Variants in NFAT5 observed in about 807,000 individuals in gnomAD.
The protein encoded by NFAT5 is nuclear factor of activated T cells 5.
Under a neutral mutation model 166.5 loss-of-function variants are expected in NFAT5, and 31 were observed. The ratio of observed to expected loss-of-function variants is 0.19; its 90% confidence interval spans 0.14 to 0.25. The LOEUF (loss-of-function observed/expected upper bound fraction) is 0.25, where lower values mean the gene tolerates loss of function less well. NFAT5 is among the 10% of genes least tolerant of loss of function. The pLI, the probability that NFAT5 is intolerant of heterozygous loss-of-function variation, is 1.00. For missense variants in NFAT5, 1,449 were observed against 1,821.8 expected, an observed-to-expected ratio of 0.80 and a Z score of 3.72; for synonymous variants, 612 against 639.7, an observed-to-expected ratio of 0.96 and a Z score of 0.65.
At chr16:69,576,780 A>C (rs1199862665) in intron 2 of NFAT5, among the ~76,000 whole-genome samples, 1 of 152,160 alleles carries the variant, frequency 6.6e-6, no homozygotes, top group Non-Finnish European at 1.5e-5. Context: ...TGAGAGGATC[A>C]CATGAGCCCA....
chr16:69,568,064 G>C (rs747288852), intron 1 of NFAT5, among the ~76,000 whole-genome samples: 22 of 152,154 alleles, frequency 1.4e-4, no homozygotes, highest in Non-Finnish European at 3.1e-4. Flanking sequence ...TGTATTCCCA[G>C]TACTGTGGGA....
At chr16:69,609,159 G>A (rs2033580358) in intron 2 of NFAT5, among the ~76,000 whole-genome samples, 1 of 151,988 alleles carries the variant, frequency 6.6e-6, no homozygotes, top group Admixed American at 6.6e-5. Flanking sequence ...GCAGAAGAAG[G>A]TGGTTCAGGT....
At position 69,670,007 on chromosome 16, in the gene NFAT5, A is replaced by C; in HGVS notation, c.1400A>C (p.Lys467Thr). Residue 467 changes from lysine to threonine, a missense_variant, in exon 8 of 15, where the codon AAG becomes ACG. Physicochemically the swap from Lys to Thr is moderately conservative, Grantham distance 78. Transcript: ENST00000349945. ...CCAGCAGGAGTGCCAGAAATCTTAAAGAAAAGCTTGCATAGCTGTTCAGTG... is the reference window on the plus strand; with the variant it reads ...CCAGCAGGAGTGCCAGAAATCTTAACGAAAAGCTTGCATAGCTGTTCAGTG... ...TQPAGVPEIL[K>T]KSLHSCSVKG... 6.2e-7 allele frequency: 1 copy of C among 1,607,620 alleles called. No homozygotes were observed. The highest frequency in any genetic ancestry group is 8.5e-7 in the Non-Finnish European group (1 of 1,178,340).
At chr16:69,664,930 G>A (rs2036302978) in intron 7 of NFAT5, among the ~76,000 whole-genome samples, 1 of 152,134 alleles carries the variant, frequency 6.6e-6, no homozygotes, top group African/African-American at 2.4e-5. Context: ...GGGAGGATGA[G>A]GCAAGAGAAT....
At chr16:69,661,112 C>T (rs1454476505) in intron 7 of NFAT5, among the ~76,000 whole-genome samples, 1 of 137,482 alleles carries the variant, frequency 7.3e-6, no homozygotes, top group Non-Finnish European at 1.5e-5. Context: ...TAGATTGTGG[C>T]TCATGCCTGT....
chr16:69,695,663 G>T, intron 14 of NFAT5: 5 of 194,348 alleles, frequency 2.6e-5, no homozygotes, highest in East Asian at 1.1e-4. Context: ...CTAACATGGT[G>T]AAACCCCGTC....
chr16:69,700,435 C>G lies in NFAT5; in HGVS notation c.*4084C>G, dbSNP rs2037878106. The stretch of plus-strand genomic sequence containing the variant: ...ATAAATGCGTTTTGACCATTTAAGC[C>G]TTTATAAATGCTTGTTTTAGGAAAG... On this transcript the variant is annotated 3_prime_UTR_variant, in exon 15 of 15. Coordinates refer to ENST00000349945, the MANE Select transcript of NFAT5 (RefSeq NM_138713.4). 1 of 152,080 alleles carries G rather than the reference C, an allele frequency of 6.6e-6. No individual in the cohort carries two copies. The highest frequency in any genetic ancestry group is 2.4e-5 in the African/African-American group (1 of 41,408). The allele number at this position is 152,080 out of a possible 1,614,324, so 9.4% of individuals were successfully genotyped here. A position where few individuals can be genotyped will look rare whatever the true frequency, so the allele number is the denominator to read the frequency against.
intron 2 of NFAT5, among the ~76,000 whole-genome samples, chr16:69,598,763 G>A (rs958392655): frequency 4.6e-5 from 7 of 152,044 alleles, no homozygotes; most frequent in Non-Finnish European, 8.8e-5. Flanking sequence ...GATGGCTCAC[G>A]CCTGTAATCC....
intron 3 of NFAT5, among the ~76,000 whole-genome samples, chr16:69,642,128 G>C (rs1269516381): frequency 6.6e-6 from 1 of 152,006 alleles, no homozygotes; most frequent in Non-Finnish European, 1.5e-5. Context: ...AGTAAAGAAA[G>C]TAAATAAAAT....
chr16:69,675,046 A>G lies in NFAT5; in HGVS notation c.1558-2157A>G, dbSNP rs562380058. ...AGCTTTTGATCACTAGTGACAGTTTACCTAATTTTTAATTCAGATCAGTTG... is the reference window on the plus strand; with the variant it reads ...AGCTTTTGATCACTAGTGACAGTTTGCCTAATTTTTAATTCAGATCAGTTG... On this transcript the variant is annotated intron_variant, in intron 9 of 14. Transcript: ENST00000349945. 2.6e-5 allele frequency among the ~76,000 whole-genome samples: 4 copies of G among 152,302 alleles called. No homozygotes were observed. The South Asian group carries it at 8.3e-4, about 32-fold the overall frequency.
At chr16:69,584,456 G>A (rs2031907215) in intron 2 of NFAT5, among the ~76,000 whole-genome samples, 1 of 151,862 alleles carries the variant, frequency 6.6e-6, no homozygotes, top group Non-Finnish European at 1.5e-5. Context: ...AGCCTCCTGA[G>A]CAGCTGGGAC....
chr16:69,648,562 C>T (rs2035545407), intron 4 of NFAT5: 9 of 984,836 alleles, frequency 9.1e-6, no homozygotes, highest in East Asian at 1.1e-4. Context: ...GCCAGTCACA[C>T]TACCCACTAA....
chr16:69,660,909 A>T (rs1051925466), intron 7 of NFAT5, among the ~76,000 whole-genome samples: 4 of 151,740 alleles, frequency 2.6e-5, no homozygotes, highest in Non-Finnish European at 5.9e-5. Flanking sequence ...CCCAGGCTCA[A>T]GCGATTCTCC....
rs1053985984 is a variant in NFAT5 at position 69,634,036 on chromosome 16, G to GT, written c.253+7508_253+7509insT. On this transcript the variant is annotated intron_variant, in intron 3 of 14. Transcript: ENST00000349945. ...CTCATGTTTGTAATCCCAGCACTTT[G>GT]GGGGGCCGAGGCGGGCAGATCACTT... 2.0e-4 allele frequency among the ~76,000 whole-genome samples: 22 copies of GT among 107,334 alleles called. No homozygotes were observed. The South Asian group carries it at 7.0e-3, about 34-fold the overall frequency. 70.4% of individuals were successfully genotyped at this position (107,334 alleles called of 152,430 possible). A position where few individuals can be genotyped will look rare whatever the true frequency, so the allele number is the denominator to read the frequency against.
chr16:69,638,735 CAAAAAAAA>C (rs34075469), intron 3 of NFAT5, among the ~76,000 whole-genome samples: 5 of 88,200 alleles, frequency 5.7e-5, no homozygotes, highest in African/African-American at 2.1e-4. Flanking sequence ...GACTCGGTCT[CAAAAAAAA>C]AAAAAAAAAA....
At chr16:69,654,078 A>C (rs1256213006) in intron 5 of NFAT5, among the ~76,000 whole-genome samples, 1 of 152,196 alleles carries the variant, frequency 6.6e-6, no homozygotes, top group African/African-American at 2.4e-5. Flanking sequence ...AGTTGAGACT[A>C]AAAGTTAAAA....
Position 69,694,008 on chromosome 16 carries a change from T to A in NFAT5, c.4183T>A (p.Ser1395Thr). ...AGAGCAGCAAGTAACTCTCTTCTTA[T>A]CTCCAGCATCCATGTCTGCCTTGCA... The part of the protein sequence containing the change: ...SQEQQVTLFL[S>T]PASMSALQTS... Residue 1395 changes from serine (S) to threonine (T), a missense_variant, in exon 13 of 15, where the codon TCT (serine) becomes ACT (threonine). By Grantham distance (58) the Ser-to-Thr change is moderately conservative. Transcript: ENST00000349945. 6.2e-7 allele frequency: 1 copy of A among 1,614,166 alleles called. No homozygotes were observed.
chr16:69,589,610 G>C (rs16958965), intron 2 of NFAT5, among the ~76,000 whole-genome samples: 24,411 of 152,010 alleles, frequency 0.16, 2,139 homozygotes, highest in East Asian at 0.36. Context: ...TTTTATATTT[G>C]ACTAAGGTTG....
intron 3 of NFAT5, among the ~76,000 whole-genome samples, chr16:69,643,753 C>T (rs2151615213): frequency 6.6e-6 from 1 of 152,224 alleles, no homozygotes; most frequent in Middle Eastern, 3.4e-3. Flanking sequence ...TCCCAGAAAT[C>T]AATTTAATAA....
Sources: allele counts gnomAD v4.1 joint callset (sites outside exome capture counted in the v4.1 genomes callset), GRCh38; gene constraint gnomAD v4.1.1; transcripts MANE v1.5; gene names NCBI Gene and HGNC (gene_info 2026-07-23, HGNC 2026-07-21).